CMSS1: variants seen among roughly 807,000 people sequenced by gnomAD.
CMSS1 encodes cms1 ribosomal small subunit homolog, also known as protein CMSS1.
In CMSS1, 33 loss-of-function variants were observed where a neutral mutation model predicts 43.5. That is an observed-to-expected ratio of 0.76 (90% CI 0.57 to 1.01). The LOEUF (loss-of-function observed/expected upper bound fraction) is 1.01, where lower values mean the gene tolerates loss of function less well. CMSS1 is among the 50% of genes least tolerant of loss of function. CMSS1 has a pLI of 0.00. For missense variants in CMSS1, 313 were observed against 326.4 expected, an observed-to-expected ratio of 0.96 and a Z score of 0.32; for synonymous variants, 115 against 117.2, an observed-to-expected ratio of 0.98 and a Z score of 0.12.
chr3:100,125,265 G>T (rs2066654369), intron 1 of CMSS1, among the ~76,000 whole-genome samples: 2 of 152,112 alleles, frequency 1.3e-5, no homozygotes, highest in South Asian at 4.1e-4. Flanking sequence ...GTCATCTTTT[G>T]CACTTCACTG....
At chr3:99,912,154 T>G in intron 1 of CMSS1, among the ~76,000 whole-genome samples, 1 of 152,214 alleles carries the variant, frequency 6.6e-6, no homozygotes, top group East Asian at 1.9e-4. Context: ...TTGGTTTTAT[T>G]CAGCCATAAA....
intron 1 of CMSS1, among the ~76,000 whole-genome samples, chr3:99,895,538 TA>T (rs1005561503): frequency 2.6e-5 from 4 of 152,232 alleles, no homozygotes; most frequent in African/African-American, 9.6e-5. Context: ...GTTTGCTAGA[TA>T]TAGTTTAGGG....
intron 1 of CMSS1, among the ~76,000 whole-genome samples, chr3:100,055,003 A>G (rs2065440213): frequency 6.6e-6 from 1 of 151,906 alleles, no homozygotes; most frequent in Non-Finnish European, 1.5e-5. Context: ...CTTCTTGCTG[A>G]TCATCTCTGC....
At chr3:100,142,643 C>T (rs1434568383) in intron 1 of CMSS1, among the ~76,000 whole-genome samples, 2 of 152,124 alleles carry the variant, frequency 1.3e-5, no homozygotes, top group African/African-American at 2.4e-5. Context: ...TGGAGGAATA[C>T]AGAGTTTCTA....
At chr3:100,121,318 A>G (rs2066617835) in intron 1 of CMSS1, among the ~76,000 whole-genome samples, 1 of 124,486 alleles carries the variant, frequency 8.0e-6, no homozygotes, top group Non-Finnish European at 1.6e-5. Context: ...TTCAGCTCCC[A>G]CTTATGAGTA....
chr3:100,062,107 T>C (rs2065579511), intron 1 of CMSS1, among the ~76,000 whole-genome samples: 2 of 67,210 alleles, frequency 3.0e-5, no homozygotes, highest in African/African-American at 4.9e-5. Flanking sequence ...TTTTTTTTTT[T>C]TTTTTTTTTT....
intron 1 of CMSS1, among the ~76,000 whole-genome samples, chr3:99,934,406 G>A (rs566235444): frequency 1.3e-5 from 2 of 152,260 alleles, no homozygotes; most frequent in African/African-American, 4.8e-5. Context: ...TTCATTTCCT[G>A]GAAGTACATA....
intron 1 of CMSS1, among the ~76,000 whole-genome samples, chr3:99,927,683 T>A (rs1164011397): frequency 6.6e-6 from 1 of 152,192 alleles, no homozygotes; most frequent in Non-Finnish European, 1.5e-5. Flanking sequence ...TTTTCTATAA[T>A]ATATTTTTTG....
intron 1 of CMSS1, among the ~76,000 whole-genome samples, chr3:100,118,488 C>T (rs138929569): frequency 9.1e-4 from 139 of 152,228 alleles, no homozygotes; most frequent in African/African-American, 3.2e-3. Context: ...GTATTAGTGA[C>T]ATAGACTTTT....
At chr3:99,965,559 TAGC>T (rs1708625046) in intron 1 of CMSS1, among the ~76,000 whole-genome samples, 1 of 152,238 alleles carries the variant, frequency 6.6e-6, no homozygotes, top group Admixed American at 6.5e-5. Flanking sequence ...ACATACCTGA[TAGC>T]AGCAATTTAA....
chr3:99,845,266 C>T (rs1943310231), intron 1 of CMSS1, among the ~76,000 whole-genome samples: 1 of 152,114 alleles, frequency 6.6e-6, no homozygotes, highest in Non-Finnish European at 1.5e-5. Context: ...AAAGTTTTGC[C>T]ATTGCTTTTA....
chr3:99,884,021 C>T (rs1215384254), intron 1 of CMSS1, among the ~76,000 whole-genome samples: 1 of 152,142 alleles, frequency 6.6e-6, no homozygotes, highest in African/African-American at 2.4e-5. Flanking sequence ...GTACTTCTCT[C>T]ATCTGCTATT....
chr3:99,878,686 G>GT (rs1480930871), intron 1 of CMSS1, among the ~76,000 whole-genome samples: 1 of 152,170 alleles, frequency 6.6e-6, no homozygotes, highest in African/African-American at 2.4e-5. Context: ...TGGCAGCAAC[G>GT]TATCTTGTTC....
chr3:100,088,972 T>A (rs1198813626), intron 1 of CMSS1, among the ~76,000 whole-genome samples: 1 of 152,206 alleles, frequency 6.6e-6, no homozygotes, highest in Non-Finnish European at 1.5e-5. Flanking sequence ...TGCATGTACT[T>A]GAATCAATCA....
intron 1 of CMSS1, among the ~76,000 whole-genome samples, chr3:100,086,159 C>T (rs367620424): frequency 2.0e-4 from 30 of 152,290 alleles, no homozygotes; most frequent in South Asian, 8.3e-4. Context: ...AGAACAGTTG[C>T]GTTTCCTTTC....
At chr3:100,146,709 G>A (rs1208396051) in intron 1 of CMSS1, among the ~76,000 whole-genome samples, 4 of 152,048 alleles carry the variant, frequency 2.6e-5, no homozygotes, top group Non-Finnish European at 4.4e-5. Context: ...GCTGTAAAAC[G>A]TCCTCTTGTA....
At chr3:100,139,644 A>C (rs189392979) in intron 1 of CMSS1, among the ~76,000 whole-genome samples, 1,803 of 150,572 alleles carry the variant, frequency 0.012, 15 homozygotes, top group Non-Finnish European at 0.02. Flanking sequence ...CACACACACA[A>C]AAATTAGCTG....
intron 1 of CMSS1, among the ~76,000 whole-genome samples, chr3:99,845,129 T>A (rs754636262): frequency 1.3e-5 from 2 of 152,188 alleles, no homozygotes; most frequent in Non-Finnish European, 2.9e-5. Context: ...TGATCTTGAT[T>A]GAACAAGTAT....
chr3:99,990,768 A>C (rs551980964), intron 1 of CMSS1, among the ~76,000 whole-genome samples: 1 of 152,250 alleles, frequency 6.6e-6, no homozygotes, highest in African/African-American at 2.4e-5. Context: ...AAAAAAATTT[A>C]CCTATATTTG....
Sources: allele counts gnomAD v4.1 joint callset (sites outside exome capture counted in the v4.1 genomes callset), GRCh38; gene constraint gnomAD v4.1.1; transcripts MANE v1.5; gene names NCBI Gene and HGNC (gene_info 2026-07-23, HGNC 2026-07-21).